RNF149: variants seen among roughly 807,000 people sequenced by gnomAD.
The protein encoded by RNF149 is ring finger protein 149.
RNF149 carries 21 observed loss-of-function variants against 39.0 expected under a neutral mutation model. The observed-to-expected ratio is 0.54, with a 90% CI of 0.38 to 0.77. The LOEUF is 0.77. Among genes scored for constraint, RNF149 ranks in the 30% least tolerant of loss-of-function variants. The pLI is 0.00. For synonymous variants in RNF149, 209 were observed against 213.6 expected (o/e 0.98, Z 0.19); for missense variants, 493 against 534.9 (o/e 0.92, Z 0.77).
rs138453807 is a variant in RNF149 at position 101,308,187 on chromosome 2, G to A, written c.402C>T (p.Ala134=). The A allele has an allele frequency of 3.5e-5, 56 of 1,610,494 alleles. No homozygotes were observed. In the African/African-American group the frequency reaches 3.6e-4, roughly 10 times the overall value. Residue 134 remains alanine, a synonymous_variant, in exon 1 of 7, where the codon GCC becomes GCT. Coordinates refer to ENST00000295317, the MANE Select transcript of RNF149 (RefSeq NM_173647.4). ...AGCGCTCCTCATTGTAGAGGACGAC[G>A]GCCGAGGCGTTCCTCCGCGCCGCCA... ...VLVAARRNAS[A]VVLYNEERYG...
downstream of RNF149, among the ~76,000 whole-genome samples, chr2:101,274,147 G>A (rs541524352): frequency 3.9e-4 from 59 of 151,682 alleles, no homozygotes; most frequent in African/African-American, 1.4e-3. Flanking sequence ...GCCATTCTTG[G>A]ACCCCAAGTG....
chr2:101,305,735 G>C (rs1403770842), intron 1 of RNF149, among the ~76,000 whole-genome samples: 1 of 152,156 alleles, frequency 6.6e-6, no homozygotes, highest in African/African-American at 2.4e-5. Context: ...GGAGAGGAGG[G>C]GGAGAGGGAG....
chr2:101,307,839 A>G, intron 1 of RNF149: 7 of 985,420 alleles, frequency 7.1e-6, no homozygotes, highest in Non-Finnish European at 8.4e-6. Flanking sequence ...AGATTTCCTC[A>G]CCTGTTAGAA....
intron 5 of RNF149, among the ~76,000 whole-genome samples, chr2:101,283,693 G>A (rs1157983113): frequency 1.3e-5 from 2 of 152,092 alleles, no homozygotes; most frequent in Non-Finnish European, 2.9e-5. Flanking sequence ...GCATTCTGGG[G>A]ATATATATTC....
chr2:101,302,649 C>G (rs906112218), intron 1 of RNF149, among the ~76,000 whole-genome samples: 1 of 152,186 alleles, frequency 6.6e-6, no homozygotes, highest in African/African-American at 2.4e-5. Context: ...CTACCGCACA[C>G]AACACACCTT....
Position 101,277,241 on chromosome 2 carries a change from G to C in RNF149, c.1200C>G (p.Ser400=). 1 of 1,613,642 alleles carries C rather than the reference G, an allele frequency of 6.2e-7. No homozygotes were observed. Among genetic ancestry groups the C allele is most frequent in the Non-Finnish European group, 8.5e-7 (1 of 1,179,776 alleles). Residue 400 remains serine (S), a synonymous_variant, in exon 7 of 7, where the codon TCC becomes TCG. Coordinates refer to ENST00000295317, the MANE Select transcript of RNF149 (RefSeq NM_173647.4). ...RSDSRHGGPI[S] ...GCCACTTCAGTGGGCACGTGTGCTA[G>C]GAGATGGGTCCTCCATGCCGAGAGT...
intron 4 of RNF149, among the ~76,000 whole-genome samples, chr2:101,287,598 G>A (rs1228588898): frequency 1.3e-5 from 2 of 152,206 alleles, no homozygotes; most frequent in Non-Finnish European, 2.9e-5. Flanking sequence ...CCCTAAACCA[G>A]TCTGGAGTAA....
intron 1 of RNF149, 72 bp from the exon 2 acceptor site, chr2:101,295,253 A>C: frequency 7.6e-7 from 1 of 1,308,220 alleles, no homozygotes; most frequent in Non-Finnish European, 1.1e-6. Flanking sequence ...ATTAAATATA[A>C]GGGTACTATG....
chr2:101,272,660 A>G (rs371565021), downstream of RNF149, among the ~76,000 whole-genome samples: 2 of 152,358 alleles, frequency 1.3e-5, no homozygotes, highest in South Asian at 2.1e-4. Flanking sequence ...GCTTTTGACT[A>G]AAACATATAA....
chr2:101,288,230 CTTTTTTTTTTTT>C (rs554652378), intron 4 of RNF149, among the ~76,000 whole-genome samples: 3 of 60,576 alleles, frequency 5.0e-5, no homozygotes, highest in Non-Finnish European at 8.5e-5. Context: ...GAAAGAAAAA[CTTTTTTTTTTTT>C]TTTTTTTTTT....
In RNF149 at chr2:101,300,629, T is replaced by C. The variant is rs191063803; in HGVS notation, c.461-5448A>G. Among the ~76,000 whole-genome samples the C allele has an allele frequency of 3.9e-5, 6 of 152,256 alleles. No individual in the cohort carries two copies. The East Asian group carries it at 1.2e-3, about 29-fold the overall frequency. ...GGGAGTTTGACACCAGCCTGGGCAATATGGCAAAACCCTGTCTCTATTAAA... is the reference window on the plus strand; with the variant it reads ...GGGAGTTTGACACCAGCCTGGGCAACATGGCAAAACCCTGTCTCTATTAAA... On this transcript the variant is annotated intron_variant, in intron 1 of 6. Coordinates refer to ENST00000295317, the MANE Select transcript of RNF149 (RefSeq NM_173647.4).
At chr2:101,299,617 A>C (rs1313665652) in intron 1 of RNF149, among the ~76,000 whole-genome samples, 1 of 152,248 alleles carries the variant, frequency 6.6e-6, no homozygotes, top group African/African-American at 2.4e-5. Flanking sequence ...CAAAGTAGAA[A>C]GAATAGTACA....
At chr2:101,306,782 T>C (rs758105184) in intron 1 of RNF149, among the ~76,000 whole-genome samples, 1 of 152,234 alleles carries the variant, frequency 6.6e-6, no homozygotes, top group Non-Finnish European at 1.5e-5. Context: ...CTCAACTGAC[T>C]ACCTTTCCCA....
Position 101,292,493 on chromosome 2 carries a change from G to A in RNF149, c.780+1521C>T, listed in dbSNP as rs920058767. On this transcript the variant is annotated intron_variant, in intron 3 of 6. Coordinates refer to ENST00000295317, the MANE Select transcript of RNF149 (RefSeq NM_173647.4). Reference sequence around the variant, plus strand: ...TAAGAACTGCAATTTCCGGCCGGGCGTGGTGGCTCACGCCTGTAATCCCAG... The same window carrying A: ...TAAGAACTGCAATTTCCGGCCGGGCATGGTGGCTCACGCCTGTAATCCCAG... Among the ~76,000 whole-genome samples, 19 of 152,288 alleles carry A rather than the reference G, an allele frequency of 1.2e-4. No individual in the cohort carries two copies. In the East Asian group the frequency reaches 1.4e-3, roughly 11 times the overall value.
At position 101,282,074 on chromosome 2, in the gene RNF149, G is replaced by A. The variant is rs752181779; in HGVS notation, c.961-17C>T. ...AGGCTCTCCCTTGAGAATTAGAACA[G>A]AAGAAAAAACATGATCAAAGCTTAA... On this transcript the variant is annotated splice_polypyrimidine_tract_variant and intron_variant, in intron 5 of 6. Transcript: ENST00000295317. 2.5e-6 allele frequency: 4 copies of A among 1,611,242 alleles called. No homozygotes were observed. The highest frequency in any genetic ancestry group is 3.4e-6 in the Non-Finnish European group (4 of 1,179,092).
At chr2:101,283,701 T>C (rs1381217538) in intron 5 of RNF149, among the ~76,000 whole-genome samples, 1 of 152,198 alleles carries the variant, frequency 6.6e-6, no homozygotes, top group Non-Finnish European at 1.5e-5. Flanking sequence ...GGGATATATA[T>C]TCTAGCTTTC....
chr2:101,282,791 T>C (rs1682640105), intron 5 of RNF149, among the ~76,000 whole-genome samples: 1 of 152,096 alleles, frequency 6.6e-6, no homozygotes, highest in Non-Finnish European at 1.5e-5. Flanking sequence ...ATCTCACCAT[T>C]GCTTCAAGTA....
intron 4 of RNF149, chr2:101,288,656 A>G (rs1682886509): frequency 4.6e-6 from 1 of 219,060 alleles, no homozygotes; most frequent in Non-Finnish European, 9.0e-6. Context: ...CCTTGCTCCC[A>G]ACACAGCTTA....
intron 1 of RNF149, among the ~76,000 whole-genome samples, chr2:101,304,725 A>G (rs1204493602): frequency 6.6e-6 from 1 of 152,168 alleles, no homozygotes; most frequent in Non-Finnish European, 1.5e-5. Flanking sequence ...CCACAATAAA[A>G]TACTGATTTA....
Sources: gnomAD v4.1 joint callset for allele counts (sites outside exome capture counted in the v4.1 genomes callset) on GRCh38, gnomAD v4.1.1 for gene constraint, MANE v1.5 for transcripts, NCBI Gene and HGNC (gene_info 2026-07-23, HGNC 2026-07-21) for gene names.